ANXA8: variants seen among roughly 807,000 people sequenced by gnomAD.
ANXA8 encodes the protein annexin A8.
A neutral mutation model predicts 26.8 loss-of-function variants in ANXA8; 9 were observed. That is an observed-to-expected ratio of 0.34 (90% CI 0.20 to 0.59). The LOEUF is 0.59. ANXA8 is among the 20% of genes least tolerant of loss of function. The pLI, the probability that ANXA8 is intolerant of heterozygous loss-of-function variation, is 0.84. For synonymous variants in ANXA8, 39 were observed against 94.8 expected (o/e 0.41, Z 3.42); for missense variants, 83 against 238.5 (o/e 0.35, Z 4.29).
At chr10:47,544,159 AG>A in the ANXA8 span, among the ~76,000 whole-genome samples, 47 of 152,018 alleles carry the variant, frequency 3.1e-4, no homozygotes, top group Non-Finnish European at 5.4e-4. Context: ...CACATCCTGT[AG>A]CCTTAAATGC....
At chr10:47,556,745 A>G in the ANXA8 span, among the ~76,000 whole-genome samples, 1 of 151,232 alleles carries the variant, frequency 6.6e-6, no homozygotes, top group Non-Finnish European at 1.5e-5. Flanking sequence ...AAATACATAC[A>G]TATGTATTAT....
At chr10:47,612,632 G>A in the ANXA8 span, among the ~76,000 whole-genome samples, 5 of 72,708 alleles carry the variant, frequency 6.9e-5, 2 homozygotes, top group Admixed American at 4.4e-4. Flanking sequence ...TTTAAAGAGG[G>A]GATTGGATCA....
the ANXA8 span, chr10:47,920,607 T>TA: frequency 3.9e-5 from 5 of 127,292 alleles, no homozygotes; most frequent in Non-Finnish European, 6.7e-5. Context: ...ATTGATCATG[T>TA]AAAAAATACA....
chr10:47,746,666 GA>G, the ANXA8 span, among the ~76,000 whole-genome samples: 22 of 138,838 alleles, frequency 1.6e-4, no homozygotes, highest in African/African-American at 5.8e-4. Context: ...CAACAAGAGT[GA>G]AACCCTAAAA....
chr10:47,660,632 C>T, the ANXA8 span, among the ~76,000 whole-genome samples: 4 of 151,772 alleles, frequency 2.6e-5, no homozygotes, highest in East Asian at 5.8e-4. Context: ...AACTCCTGAC[C>T]TCCAGTGATC....
chr10:47,597,679 A>AAAAT, the ANXA8 span, among the ~76,000 whole-genome samples: 1 of 137,472 alleles, frequency 7.3e-6, no homozygotes, highest in Admixed American at 7.1e-5. Flanking sequence ...AAAAAAAAAA[A>AAAAT]GAAATACTTA....
the ANXA8 span, among the ~76,000 whole-genome samples, chr10:47,977,819 A>C: frequency 6.6e-6 from 1 of 151,452 alleles, no homozygotes; most frequent in East Asian, 1.9e-4. Context: ...ACAGAGCCTC[A>C]GAGAGCATAC....
At chr10:47,692,857 CTT>C in the ANXA8 span, 1 of 145,218 alleles carries the variant, frequency 6.9e-6, no homozygotes, top group Non-Finnish European at 1.5e-5. Context: ...GCCTCAGCCT[CTT>C]GAGTAGCTGA....
the ANXA8 span, among the ~76,000 whole-genome samples, chr10:47,521,236 C>T: frequency 7.4e-6 from 1 of 134,410 alleles, no homozygotes; most frequent in Non-Finnish European, 1.5e-5. Context: ...TTTGGGCTCT[C>T]ATCCAACACT....
the ANXA8 span, among the ~76,000 whole-genome samples, chr10:47,499,882 C>A: frequency 6.9e-6 from 1 of 145,440 alleles, no homozygotes; most frequent in Non-Finnish European, 1.5e-5. Flanking sequence ...CCTGCCTCAG[C>A]CTGCCATGCC....
At chr10:47,561,601 T>C in the ANXA8 span, among the ~76,000 whole-genome samples, 1 of 151,870 alleles carries the variant, frequency 6.6e-6, no homozygotes, top group African/African-American at 2.4e-5. Context: ...AAAGTACATG[T>C]ATGTCAAAAT....
chr10:47,776,089 A>G, the ANXA8 span, among the ~76,000 whole-genome samples: 1 of 152,110 alleles, frequency 6.6e-6, no homozygotes. Context: ...AAGAGCTGGC[A>G]GAGCACAGTC....
the ANXA8 span, chr10:47,715,506 A>G: frequency 3.3e-6 from 2 of 610,686 alleles, no homozygotes; most frequent in East Asian, 5.7e-5. Flanking sequence ...TGCACCATTC[A>G]TATTTTGTCT....
chr10:47,916,632 T>A, the ANXA8 span, among the ~76,000 whole-genome samples: 1 of 136,998 alleles, frequency 7.3e-6, no homozygotes, highest in East Asian at 2.0e-4. Context: ...GAGGATGGAC[T>A]AAGGGCAGGT....
At position 47,474,196 on chromosome 10, in the gene ANXA8, C is replaced by T. The variant is rs1160504900; in HGVS notation, c.646+109G>A. 5 of 614,692 alleles carry T rather than the reference C, an allele frequency of 8.1e-6. No homozygotes were observed. The African/African-American group carries it at 9.5e-5, about 12-fold the overall frequency. 38.1% of individuals were successfully genotyped at this position (614,692 alleles called of 1,614,324 possible). Reference sequence around the variant, plus strand: ...GTGGCTGGGGAAACAGTCCTGGGCTCCCTGGCTCTCTCCCTAACTCTAGAC... The same window carrying T: ...GTGGCTGGGGAAACAGTCCTGGGCTTCCTGGCTCTCTCCCTAACTCTAGAC... On this transcript the variant is annotated intron_variant, in intron 8 of 11. Coordinates refer to ENST00000585281, the MANE Select transcript of ANXA8 (RefSeq NM_001040084.3).
the ANXA8 span, among the ~76,000 whole-genome samples, chr10:47,743,365 T>C: frequency 2.7e-5 from 1 of 37,584 alleles, no homozygotes; most frequent in Non-Finnish European, 6.3e-5. Flanking sequence ...CACATATATA[T>C]ATATACATAT....
At chr10:47,900,379 C>G in the ANXA8 span, among the ~76,000 whole-genome samples, 1 of 151,324 alleles carries the variant, frequency 6.6e-6, no homozygotes, top group East Asian at 2.0e-4. Flanking sequence ...TTCCAGGGAC[C>G]AAATTAGAAA....
At chr10:47,499,975 T>A in the ANXA8 span, among the ~76,000 whole-genome samples, 1 of 151,580 alleles carries the variant, frequency 6.6e-6, no homozygotes, top group African/African-American at 2.4e-5. Context: ...CTCACTTTAT[T>A]GCCCAGTCTG....
the ANXA8 span, among the ~76,000 whole-genome samples, chr10:47,646,994 T>G: frequency 6.6e-6 from 1 of 152,186 alleles, no homozygotes; most frequent in Non-Finnish European, 1.5e-5. Context: ...GTGTTGAATA[T>G]TTCCTCTATG....
Sources: gnomAD v4.1 joint callset for allele counts (sites outside exome capture counted in the v4.1 genomes callset) on GRCh38, gnomAD v4.1.1 for gene constraint, MANE v1.5 for transcripts, NCBI Gene and HGNC (gene_info 2026-07-23, HGNC 2026-07-21) for gene names.